The following RTTN variants were observed in gnomAD, a reference collection of about 807,000 sequenced individuals.
The protein encoded by RTTN is rotatin.
RTTN carries 182 observed loss-of-function variants against 269.2 expected under a neutral mutation model. That is an observed-to-expected ratio of 0.68 (90% confidence interval 0.60 to 0.76). The LOEUF (loss-of-function observed/expected upper bound fraction) is 0.76. Ranked by LOEUF, RTTN falls within the 30% of genes least tolerant of loss-of-function variation. The pLI, the probability that RTTN is intolerant of heterozygous loss-of-function variation, is 0.00. For missense variants in RTTN, 2,545 were observed against 2,608.6 expected, an observed-to-expected ratio of 0.98 and a Z score of 0.53; for synonymous variants, 1,006 against 963.5, an observed-to-expected ratio of 1.04 and a Z score of -0.82.
intron 28 of RTTN, among the ~76,000 whole-genome samples, chr18:70,102,340 C>G (rs1285849223): frequency 6.6e-6 from 1 of 151,980 alleles, no homozygotes; most frequent in Non-Finnish European, 1.5e-5. Flanking sequence ...ATGGCCTTGT[C>G]TCTTTAGATC....
chr18:70,076,337 T>C (rs1461300850), intron 32 of RTTN, among the ~76,000 whole-genome samples: 4 of 151,994 alleles, frequency 2.6e-5, no homozygotes, highest in South Asian at 2.1e-4. Flanking sequence ...AAATAAAAGA[T>C]AGCAAACAGA....
chr18:70,071,101 C>G (rs1868516270), intron 34 of RTTN, among the ~76,000 whole-genome samples: 1 of 152,142 alleles, frequency 6.6e-6, no homozygotes, highest in Admixed American at 6.5e-5. Context: ...CTTCTGGACT[C>G]AAAAGAATGG....
intron 7 of RTTN, chr18:70,194,551 C>G (rs959560043): frequency 1.3e-5 from 2 of 152,204 alleles, no homozygotes; most frequent in Non-Finnish European, 2.9e-5. Flanking sequence ...GTGGGTACAA[C>G]CCACATGTCC....
intron 42 of RTTN, among the ~76,000 whole-genome samples, chr18:70,029,726 T>C (rs1030554577): frequency 6.6e-6 from 1 of 152,232 alleles, no homozygotes; most frequent in Non-Finnish European, 1.5e-5. Flanking sequence ...AGATTTTCTT[T>C]TTGTAGTATA....
chr18:70,092,321 T>C (rs1346267659), intron 29 of RTTN, 101 bp from the exon 30 acceptor site: 3 of 775,192 alleles, frequency 3.9e-6, no homozygotes, highest in Non-Finnish European at 4.2e-6. Flanking sequence ...AACGTGAAAA[T>C]GTATTTTAGA....
intron 25 of RTTN, among the ~76,000 whole-genome samples, chr18:70,123,333 CTCTGTGGTGAGAACATTTAACA>C (rs150238034): frequency 0.025 from 3,837 of 152,172 alleles, 162 homozygotes; most frequent in African/African-American, 0.086. Context: ...ATACTTATTT[CTCTGTGGTGAGAACATTTAACA>C]TCTATTCTTT....
chr18:70,164,877 C>A (rs1310289035), intron 14 of RTTN, among the ~76,000 whole-genome samples: 2 of 151,816 alleles, frequency 1.3e-5, no homozygotes, highest in African/African-American at 2.4e-5. Context: ...TTAATGAAAC[C>A]GCAGGGCACC....
intron 28 of RTTN, among the ~76,000 whole-genome samples, chr18:70,103,989 T>C (rs2059252486): frequency 1.3e-5 from 2 of 152,020 alleles, no homozygotes; most frequent in Admixed American, 1.3e-4. Flanking sequence ...TCTCAAGGAG[T>C]ATCTTTGTGG....
At chr18:70,161,471 A>C (rs2060828714) in intron 14 of RTTN, among the ~76,000 whole-genome samples, 1 of 152,172 alleles carries the variant, frequency 6.6e-6, no homozygotes, top group African/African-American at 2.4e-5. Flanking sequence ...TGCAACAAAA[A>C]CAGAAATAGA....
chr18:70,197,549 C>A lies in RTTN; in HGVS notation c.693+75G>T, dbSNP rs563045887. On this transcript the variant is annotated intron_variant, in intron 6 of 48. Coordinates refer to ENST00000640769, the MANE Select transcript of RTTN (RefSeq NM_173630.4). ...AGTACAAAGTTCCTTCCCAAGAACT[C>A]CTACTCTGCAAAATTTGCTTTATTG... The A allele has an allele frequency of 9.3e-6, 8 of 857,768 alleles. No individual in the cohort carries two copies. In the South Asian group the frequency reaches 1.1e-4, roughly 12 times the overall value. The allele number at this position is 857,768 out of a possible 1,614,324, so 53.1% of individuals were successfully genotyped here.
intron 26 of RTTN, among the ~76,000 whole-genome samples, chr18:70,117,443 T>C (rs1344061120): frequency 1.3e-5 from 2 of 152,048 alleles, no homozygotes; most frequent in South Asian, 4.1e-4. Context: ...ACCCAACTGA[T>C]AGTGAACACT....
chr18:70,048,100 T>G lies in RTTN; in HGVS notation c.5412A>C (p.Glu1804Asp). The part of the protein sequence containing the change: ...SLQFLSVLLT[E>D]EAKGHLQAKS... ...TAGCCTGGAGATGCCCTTTTGCTTC[T>G]TCGGTCAAGAGAACAGAAAGGAATT... Residue 1804 changes from glutamate (E) to aspartate (D), a missense_variant, in exon 40 of 49, where the codon GAA becomes GAC. By Grantham distance (45) the Glu-to-Asp change is conservative (BLOSUM62 2). Transcript: ENST00000640769. 1.9e-6 allele frequency: 3 copies of G among 1,614,124 alleles called. No individual in the cohort carries two copies. Among genetic ancestry groups the G allele is most frequent in the Non-Finnish European group, 2.5e-6 (3 of 1,179,992 alleles).
At chr18:70,140,919 C>T (rs1188219889) in intron 19 of RTTN, among the ~76,000 whole-genome samples, 2 of 152,068 alleles carry the variant, frequency 1.3e-5, no homozygotes, top group African/African-American at 4.8e-5. Context: ...AGGAAAAACA[C>T]ATACACTCAC....
At chr18:70,080,507 A>G (rs922538678) in intron 32 of RTTN, among the ~76,000 whole-genome samples, 22 of 152,236 alleles carry the variant, frequency 1.4e-4, no homozygotes, top group African/African-American at 5.3e-4. Flanking sequence ...GAAACAGATT[A>G]TAGCCCATTA....
chr18:70,156,968 A>G (rs749514108), intron 14 of RTTN, among the ~76,000 whole-genome samples: 10 of 152,132 alleles, frequency 6.6e-5, no homozygotes, highest in Non-Finnish European at 1.3e-4. Flanking sequence ...CTTGCAACAC[A>G]GCCTCAGCTG....
chr18:70,191,246 T>G (rs900395246), intron 8 of RTTN, among the ~76,000 whole-genome samples: 4 of 152,140 alleles, frequency 2.6e-5, no homozygotes, highest in African/African-American at 9.7e-5. Context: ...GCATCTATAT[T>G]TTGCTTGTCA....
At chr18:70,156,289 G>A (rs544914347) in intron 14 of RTTN, among the ~76,000 whole-genome samples, 14 of 152,248 alleles carry the variant, frequency 9.2e-5, no homozygotes, top group South Asian at 2.1e-4. Context: ...GGGTGTGGCC[G>A]TCTTCTATGG....
chr18:70,171,707 A>T (rs1303811808), intron 11 of RTTN, among the ~76,000 whole-genome samples: 1 of 152,204 alleles, frequency 6.6e-6, no homozygotes, highest in East Asian at 1.9e-4. Context: ...AATCAGCAAC[A>T]TCACCTCATG....
chr18:70,134,311 A>G (rs1044279406), intron 23 of RTTN, among the ~76,000 whole-genome samples, 162 bp downstream of exon 23: 1 of 152,112 alleles, frequency 6.6e-6, no homozygotes, highest in African/African-American at 2.4e-5. Flanking sequence ...GTGGGGAGAT[A>G]TACTTACTGA....
Sources: gnomAD v4.1 joint callset for allele counts (sites outside exome capture counted in the v4.1 genomes callset) on GRCh38, gnomAD v4.1.1 for gene constraint, MANE v1.5 for transcripts, NCBI Gene and HGNC (gene_info 2026-07-23, HGNC 2026-07-21) for gene names.